The following TMEM132D variants were observed in gnomAD, a reference collection of about 807,000 sequenced individuals.
The protein encoded by TMEM132D is transmembrane protein 132D, also known as mature OL transmembrane protein.
Under a neutral mutation model 62.3 loss-of-function variants are expected in TMEM132D, and 21 were observed. That is an observed-to-expected ratio of 0.34 (90% CI 0.24 to 0.49). TMEM132D has a LOEUF of 0.49. Among genes scored for constraint, TMEM132D ranks in the 20% least tolerant of loss-of-function variants. The probability of loss-of-function intolerance (pLI) is 0.99; values close to 1 mark genes in which losing one functional copy is unlikely to be tolerated. For synonymous variants in TMEM132D, 621 were observed against 575.6 expected, an observed-to-expected ratio of 1.08 and a Z score of -1.13; for missense variants, 1,346 against 1,402.8, an observed-to-expected ratio of 0.96 and a Z score of 0.65.
At chr12:129,094,514 T>C (rs1250556759) in intron 5 of TMEM132D, among the ~76,000 whole-genome samples, 4 of 152,182 alleles carry the variant, frequency 2.6e-5, no homozygotes. Flanking sequence ...ATGGTGATCA[T>C]TAAAAAGTCA....
At chr12:129,465,642 T>A (rs931431675) in intron 3 of TMEM132D, among the ~76,000 whole-genome samples, 2 of 152,224 alleles carry the variant, frequency 1.3e-5, no homozygotes, top group South Asian at 4.1e-4. Context: ...AGCATTCTTA[T>A]ACACCAATAA....
At chr12:129,206,188 A>G (rs1206602359) in intron 5 of TMEM132D, among the ~76,000 whole-genome samples, 1 of 152,232 alleles carries the variant, frequency 6.6e-6, no homozygotes, top group Non-Finnish European at 1.5e-5. Context: ...ATGGAAAAAA[A>G]TATTTGCAAA....
chr12:129,321,628 C>A (rs1868711192), intron 4 of TMEM132D, among the ~76,000 whole-genome samples: 1 of 152,054 alleles, frequency 6.6e-6, no homozygotes, highest in Non-Finnish European at 1.5e-5. Context: ...GCGATCTCAG[C>A]TCACTGCAAG....
chr12:129,094,542 G>A (rs1474933594), intron 5 of TMEM132D, among the ~76,000 whole-genome samples: 3 of 152,174 alleles, frequency 2.0e-5, no homozygotes, highest in Admixed American at 1.3e-4. Context: ...ACAGGTGCTG[G>A]AGAGGATGTG....
chr12:129,106,135 G>T (rs1299581367), intron 5 of TMEM132D, among the ~76,000 whole-genome samples: 1 of 151,200 alleles, frequency 6.6e-6, no homozygotes, highest in African/African-American at 2.4e-5. Context: ...GATGAAATTG[G>T]AAATCATCAT....
chr12:129,691,331 T>G (rs910333388), intron 2 of TMEM132D, among the ~76,000 whole-genome samples: 2 of 151,302 alleles, frequency 1.3e-5, no homozygotes, highest in Non-Finnish European at 3.0e-5. Context: ...TTATACAAAT[T>G]AGAGAAAAAA....
chr12:129,773,579 G>A (rs1478632279), intron 1 of TMEM132D, among the ~76,000 whole-genome samples: 1 of 152,154 alleles, frequency 6.6e-6, no homozygotes, highest in Non-Finnish European at 1.5e-5. Flanking sequence ...CTTCTCCCGA[G>A]AACAGAGAGA....
intron 5 of TMEM132D, among the ~76,000 whole-genome samples, chr12:129,101,190 G>T (rs567343740): frequency 6.6e-6 from 1 of 152,350 alleles, no homozygotes; most frequent in African/African-American, 2.4e-5. Context: ...TCGGTGGCAG[G>T]ATCTAAGCTC....
intron 3 of TMEM132D, among the ~76,000 whole-genome samples, chr12:129,482,051 C>A (rs549962159): frequency 2.6e-5 from 4 of 152,330 alleles, no homozygotes; most frequent in African/African-American, 9.6e-5. Context: ...TGTGGACAGA[C>A]CATCTGTTGT....
At chr12:129,312,705 G>A (rs1269854979) in intron 4 of TMEM132D, among the ~76,000 whole-genome samples, 1 of 152,066 alleles carries the variant, frequency 6.6e-6, no homozygotes, top group East Asian at 1.9e-4. Flanking sequence ...TGAGTAGCTG[G>A]GACTACAGGC....
chr12:129,202,034 G>A (rs1424392699), intron 5 of TMEM132D, among the ~76,000 whole-genome samples: 4 of 151,696 alleles, frequency 2.6e-5, no homozygotes, highest in African/African-American at 9.7e-5. Context: ...AAAACAAAAC[G>A]AGCATCCTTG....
At chr12:129,788,204 A>G (rs942093352) in intron 1 of TMEM132D, among the ~76,000 whole-genome samples, 1 of 152,212 alleles carries the variant, frequency 6.6e-6, no homozygotes, top group Non-Finnish European at 1.5e-5. Context: ...TTTTACTTGC[A>G]CGGACTCCTG....
At chr12:129,290,666 G>A (rs1257401689) in intron 4 of TMEM132D, among the ~76,000 whole-genome samples, 3 of 152,150 alleles carry the variant, frequency 2.0e-5, no homozygotes, top group Non-Finnish European at 4.4e-5. Flanking sequence ...CTAATGAGGG[G>A]ACAAGGTTTC....
intron 5 of TMEM132D, among the ~76,000 whole-genome samples, chr12:129,108,107 A>G (rs1875560130): frequency 6.6e-6 from 1 of 152,164 alleles, no homozygotes; most frequent in Non-Finnish European, 1.5e-5. Context: ...TGCAAAAAAT[A>G]ATCACTCCTG....
At chr12:129,332,080 G>C (rs1240945981) in intron 4 of TMEM132D, among the ~76,000 whole-genome samples, 4 of 152,172 alleles carry the variant, frequency 2.6e-5, no homozygotes, top group African/African-American at 9.7e-5. Flanking sequence ...CTAATATCTG[G>C]AGAAGAGTAA....
chr12:129,899,322 T>C (rs1187213406), intron 1 of TMEM132D, among the ~76,000 whole-genome samples: 2 of 126,304 alleles, frequency 1.6e-5, no homozygotes, highest in African/African-American at 6.8e-5. Flanking sequence ...GATGGATGGA[T>C]GGATGGATGG....
At chr12:129,767,865 A>T (rs1335401628) in intron 1 of TMEM132D, among the ~76,000 whole-genome samples, 1 of 152,102 alleles carries the variant, frequency 6.6e-6, no homozygotes, top group Non-Finnish European at 1.5e-5. Context: ...GGTTTAATGA[A>T]CTCACACTTC....
intron 4 of TMEM132D, among the ~76,000 whole-genome samples, chr12:129,284,673 T>A (rs1172229605): frequency 6.6e-6 from 1 of 152,230 alleles, no homozygotes; most frequent in Non-Finnish European, 1.5e-5. Context: ...AAATGCCCAT[T>A]GGCGGATGCA....
intron 2 of TMEM132D, among the ~76,000 whole-genome samples, chr12:129,614,576 T>C (rs1046834749): frequency 1.3e-5 from 2 of 152,224 alleles, no homozygotes; most frequent in East Asian, 1.9e-4. Flanking sequence ...ATCTTTGCCA[T>C]AGCGAACGGC....
Sources: allele counts gnomAD v4.1 joint callset (sites outside exome capture counted in the v4.1 genomes callset), GRCh38; gene constraint gnomAD v4.1.1; transcripts MANE v1.5; gene names NCBI Gene and HGNC (gene_info 2026-07-23, HGNC 2026-07-21).